Variants in TVP23C observed in about 807,000 individuals in gnomAD.
The protein encoded by TVP23C is Golgi apparatus membrane protein TVP23 homolog C.
TVP23C carries 19 observed loss-of-function variants against 28.7 expected under a neutral mutation model. That is an observed-to-expected ratio of 0.66 (90% CI 0.46 to 0.97). The LOEUF (loss-of-function observed/expected upper bound fraction) is 0.97, where lower values mean the gene tolerates loss of function less well. Among genes scored for constraint, TVP23C ranks in the 50% least tolerant of loss-of-function variants. TVP23C has a pLI of 0.00. For missense variants in TVP23C, 186 were observed against 241.3 expected (o/e 0.77, Z 1.52); for synonymous variants, 68 against 81.7 (o/e 0.83, Z 0.90).
chr17:15,519,843 A>G (rs1182965803), intron 5 of TVP23C, among the ~76,000 whole-genome samples: 1 of 152,220 alleles, frequency 6.6e-6, no homozygotes, highest in Non-Finnish European at 1.5e-5. Flanking sequence ...CGGAGCTTGC[A>G]GTGAGCCGAG....
rs145538644 is a variant in TVP23C, at chr17:15,516,814, G to A, written c.463-13582C>T. On this transcript the variant is annotated intron_variant, in intron 5 of 5. Transcript: ENST00000225576. ...CACACATCCCAAGTATGAACATCCA[G>A]CAGGTGTATCACAGACCTGGGCATA... 1.4e-3 allele frequency among the ~76,000 whole-genome samples: 218 copies of A among 152,280 alleles called. 2 individuals are homozygous for A. The highest frequency in any genetic ancestry group is 4.9e-3 in the African/African-American group (203 of 41,558).
chr17:15,520,797 C>T (rs1037535057), intron 5 of TVP23C, among the ~76,000 whole-genome samples: 9 of 151,908 alleles, frequency 5.9e-5, no homozygotes, highest in African/African-American at 1.9e-4. Flanking sequence ...AACGCAGTAA[C>T]GCATAAAAAA....
intron 1 of TVP23C, among the ~76,000 whole-genome samples, chr17:15,558,993 T>C (rs1181798802): frequency 6.8e-6 from 1 of 147,516 alleles, no homozygotes; most frequent in Non-Finnish European, 1.5e-5. Context: ...CCATATCTAA[T>C]ATTTTAATTT....
chr17:15,553,688 C>A lies in TVP23C; in HGVS notation c.237G>T (p.Val79=), dbSNP rs754348450. ...AAATAAAAACAATCAAAATTACCTTCACTGCCCAAAAGTCACACGACAACA... is the reference window on the plus strand; with the variant it reads ...AAATAAAAACAATCAAAATTACCTTAACTGCCCAAAAGTCACACGACAACA... ...ILLLSCDFWA[V]KNVTGRLMVG... is the part of the protein sequence containing the mutation. Residue 79 remains valine (V), a synonymous_variant, in exon 3 of 6, where the codon GTG becomes GTT. Coordinates refer to ENST00000518321, the MANE Select transcript of TVP23C (RefSeq NM_001135036.2). 3 of 1,599,678 alleles carry A rather than the reference C, an allele frequency of 1.9e-6. No homozygotes were observed. Among genetic ancestry groups the A allele is most frequent in the Admixed American group, 3.5e-5 (2 of 56,804 alleles).
At chr17:15,506,655 T>C (rs1211935786) in intron 5 of TVP23C, among the ~76,000 whole-genome samples, 6 of 152,330 alleles carry the variant, frequency 3.9e-5, no homozygotes, top group Non-Finnish European at 8.8e-5. Flanking sequence ...TTTTATGAGC[T>C]GTAACACTCA....
In TVP23C at chr17:15,539,870, G is replaced by T. The variant is rs1212988381; in HGVS notation, c.*542C>A. The T allele has an allele frequency of 2.4e-6, 2 of 838,024 alleles. No homozygotes were observed. Among genetic ancestry groups the T allele is most frequent in the Non-Finnish European group, 2.9e-6 (2 of 695,884 alleles). The allele number at this position is 838,024 out of a possible 1,614,324, so 51.9% of individuals were successfully genotyped here. On this transcript the variant is annotated 3_prime_UTR_variant, in exon 6 of 6. Transcript: ENST00000518321. ...GCACTTTGGGAGGCTGAGGTGGGCA[G>T]ATCACAAGGTCATGAGATGGAGACC...
intron 4 of TVP23C, among the ~76,000 whole-genome samples, 156 bp from the exon 5 acceptor site, chr17:15,546,072 G>A (rs115661250): frequency 0.012 from 1,792 of 152,234 alleles, 36 homozygotes; most frequent in African/African-American, 0.04. Flanking sequence ...TATCACTCTC[G>A]TAATTTTAGG....
At chr17:15,523,018 T>TC (rs961314207) in intron 5 of TVP23C, among the ~76,000 whole-genome samples, 4 of 152,178 alleles carry the variant, frequency 2.6e-5, no homozygotes, top group African/African-American at 9.7e-5. Context: ...CAGAATTTTT[T>TC]TTTTTTTTGG....
chr17:15,542,966 G>T (rs1381124205), intron 5 of TVP23C, among the ~76,000 whole-genome samples: 2 of 152,130 alleles, frequency 1.3e-5, no homozygotes, highest in African/African-American at 4.8e-5. Flanking sequence ...TCCCTGTTTT[G>T]TTTTAAGGAA....
At chr17:15,519,528 G>C (rs1457607271) in intron 5 of TVP23C, among the ~76,000 whole-genome samples, 1 of 151,718 alleles carries the variant, frequency 6.6e-6, no homozygotes, top group South Asian at 2.1e-4. Flanking sequence ...TTAAGCATGG[G>C]GAAAATTCTC....
At chr17:15,563,399 G>A (rs377288976) in intron 1 of TVP23C, 38 bp downstream of exon 1, 5 of 1,580,716 alleles carry the variant, frequency 3.2e-6, no homozygotes, top group Non-Finnish European at 4.3e-6. Context: ...GCCAGTCCCA[G>A]GAGCCGCCAC....
At chr17:15,544,068 A>G (rs1464252702) in intron 5 of TVP23C, among the ~76,000 whole-genome samples, 2 of 151,996 alleles carry the variant, frequency 1.3e-5, no homozygotes, top group African/African-American at 4.8e-5. Flanking sequence ...GGTTACATGA[A>G]CTAAAAAAAA....
At chr17:15,531,970 C>G (rs1328127414) in intron 5 of TVP23C, among the ~76,000 whole-genome samples, 1 of 152,102 alleles carries the variant, frequency 6.6e-6, no homozygotes, top group Non-Finnish European at 1.5e-5. Flanking sequence ...CTTTCCTCGA[C>G]TAATTCTGTT....
chr17:15,560,234 TTTTG>T (rs928580801), intron 1 of TVP23C, among the ~76,000 whole-genome samples: 2 of 148,868 alleles, frequency 1.3e-5, no homozygotes, highest in African/African-American at 4.9e-5. Flanking sequence ...CCCAGGTAAT[TTTTG>T]TATTTTTAGT....
downstream of TVP23C, among the ~76,000 whole-genome samples, chr17:15,536,364 G>C (rs536943326): frequency 5.8e-4 from 88 of 152,290 alleles, no homozygotes; most frequent in South Asian, 0.01. Context: ...AGGGGGAAGG[G>C]ATGGGCGTGC....
intron 5 of TVP23C, among the ~76,000 whole-genome samples, chr17:15,529,776 T>C (rs1982877145): frequency 6.6e-6 from 1 of 152,118 alleles, no homozygotes; most frequent in Non-Finnish European, 1.5e-5. Flanking sequence ...TATAGTTGGA[T>C]CATGTTTTTT....
chr17:15,518,338 A>G (rs1330886410), intron 5 of TVP23C, among the ~76,000 whole-genome samples: 1 of 152,142 alleles, frequency 6.6e-6, no homozygotes, highest in Non-Finnish European at 1.5e-5. Context: ...AATGCTACGT[A>G]CTGTATCAAC....
intron 2 of TVP23C, 78 bp downstream of exon 2, chr17:15,555,204 G>C: frequency 1.9e-6 from 3 of 1,592,196 alleles, no homozygotes; most frequent in Non-Finnish European, 2.6e-6. Context: ...ACTCTGCCTT[G>C]ACTCCCATCA....
chr17:15,529,339 C>T (rs1982857023), intron 5 of TVP23C, among the ~76,000 whole-genome samples: 1 of 151,996 alleles, frequency 6.6e-6, no homozygotes, highest in African/African-American at 2.4e-5. Context: ...GTAATCCCAG[C>T]TAATCGGGAG....
Sources: gnomAD v4.1 joint callset for allele counts (sites outside exome capture counted in the v4.1 genomes callset) on GRCh38, gnomAD v4.1.1 for gene constraint, MANE v1.5 for transcripts, NCBI Gene and HGNC (gene_info 2026-07-23, HGNC 2026-07-21) for gene names.